The following RASSF8 variants were observed in gnomAD, a reference collection of about 807,000 sequenced individuals.
RASSF8 encodes the protein ras association domain-containing protein 8.
RASSF8 carries 22 observed loss-of-function variants against 48.5 expected under a neutral mutation model. That is an observed-to-expected ratio of 0.45 (90% CI 0.32 to 0.65). The LOEUF (loss-of-function observed/expected upper bound fraction) is 0.65. RASSF8 is among the 30% of genes least tolerant of loss of function. RASSF8 has a pLI of 0.03. For missense variants in RASSF8, 418 were observed against 489.2 expected (o/e 0.85, Z 1.37); for synonymous variants, 127 against 171.5 (o/e 0.74, Z 2.03).
chr12:25,959,258 C>G (rs1941167166), intron 1 of RASSF8, 110 bp downstream of exon 1: 1 of 152,412 alleles, frequency 6.6e-6, no homozygotes, highest in Non-Finnish European at 1.5e-5. Context: ...TCTCTCCGCA[C>G]CTTGGGTACC....
chr12:25,994,166 C>T (rs909311703), intron 1 of RASSF8, among the ~76,000 whole-genome samples: 1 of 151,964 alleles, frequency 6.6e-6, no homozygotes, highest in Non-Finnish European at 1.5e-5. Context: ...TCTTCTTATG[C>T]TCTAATTTGA....
intron 4 of RASSF8, 98 bp downstream of exon 4, chr12:26,065,485 G>T: frequency 1.4e-6 from 2 of 1,430,704 alleles, no homozygotes; most frequent in Non-Finnish European, 1.9e-6. Context: ...TATATTCAAA[G>T]AATTAGAAAC....
chr12:26,055,874 G>T (rs1026871873), intron 3 of RASSF8, among the ~76,000 whole-genome samples: 35 of 152,180 alleles, frequency 2.3e-4, no homozygotes, highest in African/African-American at 8.4e-4. Context: ...TCACTGGAAA[G>T]ATAATGTATA....
At chr12:26,074,911 A>G (rs1182489945), downstream of RASSF8, among the ~76,000 whole-genome samples, 1 of 152,096 alleles carries the variant, frequency 6.6e-6, no homozygotes, top group Non-Finnish European at 1.5e-5. Flanking sequence ...AGGAGTTTGG[A>G]CTTTATCCTG....
At chr12:26,066,012 G>A (rs1389317463) in intron 4 of RASSF8, among the ~76,000 whole-genome samples, 2 of 152,138 alleles carry the variant, frequency 1.3e-5, no homozygotes, top group East Asian at 1.9e-4. Context: ...TTGCAAAGAT[G>A]TATCAAACAG....
At chr12:25,996,689 C>T in intron 2 of RASSF8, among the ~76,000 whole-genome samples, 1 of 152,150 alleles carries the variant, frequency 6.6e-6, no homozygotes, top group Non-Finnish European at 1.5e-5. Context: ...AAAGAGACGC[C>T]TTTAGCTTAC....
chr12:26,050,035 G>A (rs1021749253), intron 2 of RASSF8, among the ~76,000 whole-genome samples: 8 of 151,962 alleles, frequency 5.3e-5, no homozygotes, highest in African/African-American at 9.7e-5. Flanking sequence ...TGCCCGCCTC[G>A]GCCTCCCAAA....
chr12:25,972,481 T>G (rs1419979722), intron 1 of RASSF8, among the ~76,000 whole-genome samples: 1 of 152,180 alleles, frequency 6.6e-6, no homozygotes, highest in Non-Finnish European at 1.5e-5. Flanking sequence ...TAGAAACATC[T>G]AATGGTTAAT....
chr12:26,046,650 A>G (rs776807882), intron 2 of RASSF8, among the ~76,000 whole-genome samples: 1 of 145,612 alleles, frequency 6.9e-6, no homozygotes, highest in South Asian at 2.4e-4. Context: ...CAGCTGGGCA[A>G]CATAAGGAGA....
intron 4 of RASSF8, among the ~76,000 whole-genome samples, chr12:26,066,149 T>C (rs1255326743): frequency 1.3e-5 from 2 of 152,206 alleles, no homozygotes; most frequent in African/African-American, 4.8e-5. Context: ...TAGTCACACA[T>C]GGTCACATTT....
chr12:26,038,124 AT>A (rs1943190219), intron 2 of RASSF8, among the ~76,000 whole-genome samples: 1 of 152,188 alleles, frequency 6.6e-6, no homozygotes, highest in Admixed American at 6.5e-5. Flanking sequence ...CGTGTTGTGT[AT>A]GCTTTGGATG....
chr12:25,963,413 C>T (rs192113903), intron 1 of RASSF8, among the ~76,000 whole-genome samples: 75 of 150,398 alleles, frequency 5.0e-4, no homozygotes, highest in Non-Finnish European at 8.0e-4. Context: ...TTGCTCTTTA[C>T]GAAATATTAG....
At chr12:26,073,847 C>CAT (rs1199949468), downstream of RASSF8, among the ~76,000 whole-genome samples, 530 of 129,530 alleles carry the variant, frequency 4.1e-3, 10 homozygotes, top group African/African-American at 0.015. Context: ...CACACACACA[C>CAT]ACATATATAT....
chr12:26,057,706 G>GTCT (rs1199103470), intron 3 of RASSF8, among the ~76,000 whole-genome samples: 1 of 152,220 alleles, frequency 6.6e-6, no homozygotes. Flanking sequence ...TCGCCACACT[G>GTCT]TCTTCCACAA....
Position 25,996,462 on chromosome 12 carries a change from C to T in RASSF8, c.-109+1332C>T, listed in dbSNP as rs572299169. ...ATACCAAGAGGAACTGTGGTTGAGG[C>T]TTAATGTTTGGGGATTTTGTGTATT... On this transcript the variant is annotated intron_variant, in intron 2 of 5. Coordinates refer to ENST00000689635, the MANE Select transcript of RASSF8 (RefSeq NM_001394098.1). Among the ~76,000 whole-genome samples, 411 of 152,216 alleles carry T rather than the reference C, an allele frequency of 2.7e-3. 1 individual carries two copies. The highest frequency in any genetic ancestry group is 4.3e-3 in the Non-Finnish European group (294 of 67,986).
chr12:26,076,652 A>G (rs1031310378), downstream of RASSF8, among the ~76,000 whole-genome samples: 2 of 152,122 alleles, frequency 1.3e-5, no homozygotes, highest in African/African-American at 4.8e-5. Context: ...ACATTTTCTT[A>G]ATTGTCTATC....
chr12:25,998,113 G>T (rs1340861936), intron 2 of RASSF8, among the ~76,000 whole-genome samples: 1 of 152,122 alleles, frequency 6.6e-6, no homozygotes, highest in Non-Finnish European at 1.5e-5. Flanking sequence ...TTGGAATTTG[G>T]TTTTCATGAA....
intron 2 of RASSF8, among the ~76,000 whole-genome samples, chr12:25,998,770 G>C (rs1305197332): frequency 2.6e-5 from 4 of 151,910 alleles, no homozygotes; most frequent in African/African-American, 9.7e-5. Flanking sequence ...TGGTAAGAGT[G>C]AGTATGTGTG....
At position 26,070,629 on chromosome 12, in the gene RASSF8, AT is replaced by A; in HGVS notation, c.*1812del. On this transcript the variant is annotated 3_prime_UTR_variant, in exon 6 of 6. Transcript: ENST00000689635. ...TATTTAAAATTAGGATGATTAAAAA[AT>A]AATTTATAGATTTTGTGACAGTAAT... 1 of 953,830 alleles carries A rather than the reference AT, an allele frequency of 1.0e-6. No homozygotes were observed. 59.1% of individuals were successfully genotyped at this position (953,830 alleles called of 1,614,324 possible). A position where few individuals can be genotyped will look rare whatever the true frequency, so the allele number is the denominator to read the frequency against.
Sources: gnomAD v4.1 joint callset for allele counts (sites outside exome capture counted in the v4.1 genomes callset) on GRCh38, gnomAD v4.1.1 for gene constraint, MANE v1.5 for transcripts, NCBI Gene and HGNC (gene_info 2026-07-23, HGNC 2026-07-21) for gene names.